Variants in LHFPL6 observed in about 807,000 individuals in gnomAD.
LHFPL6 encodes LHFPL tetraspan subfamily member 6 protein.
A neutral mutation model predicts 20.6 loss-of-function variants in LHFPL6; 9 were observed. The ratio of observed to expected loss-of-function variants is 0.44; its 90% confidence interval spans 0.26 to 0.76. The LOEUF is 0.76. LHFPL6 is among the 30% of genes least tolerant of loss of function. The pLI, the probability that LHFPL6 is intolerant of heterozygous loss-of-function variation, is 0.20. For synonymous variants in LHFPL6, 105 were observed against 98.7 expected (o/e 1.06, Z -0.38); for missense variants, 218 against 253.5 (o/e 0.86, Z 0.95).
chr13:39,425,014 A>T (rs1245092764), intron 2 of LHFPL6, among the ~76,000 whole-genome samples: 1 of 152,142 alleles, frequency 6.6e-6, no homozygotes, highest in African/African-American at 2.4e-5. Context: ...GAAGATAATG[A>T]ACATATCTAT....
intron 2 of LHFPL6, among the ~76,000 whole-genome samples, chr13:39,561,459 AT>A (rs1192254573): frequency 6.6e-6 from 1 of 152,080 alleles, no homozygotes; most frequent in Non-Finnish European, 1.5e-5. Context: ...GAGAAGTGGC[AT>A]TTGGTTTGTT....
chr13:39,464,299 C>T (rs1033575486), intron 2 of LHFPL6, among the ~76,000 whole-genome samples: 2 of 152,042 alleles, frequency 1.3e-5, no homozygotes, highest in Admixed American at 6.6e-5. Context: ...AATTTTGATA[C>T]AAACCAATAA....
intron 2 of LHFPL6, among the ~76,000 whole-genome samples, chr13:39,494,322 C>T (rs1239990940): frequency 1.3e-5 from 2 of 152,194 alleles, no homozygotes; most frequent in Non-Finnish European, 2.9e-5. Flanking sequence ...CATTTTTTAC[C>T]ATTCATTTCC....
intron 2 of LHFPL6, among the ~76,000 whole-genome samples, chr13:39,503,108 G>T (rs1007518271): frequency 6.6e-6 from 1 of 152,112 alleles, no homozygotes; most frequent in African/African-American, 2.4e-5. Context: ...CCTATGCCCA[G>T]AACTCTGGGT....
At chr13:39,546,697 C>T (rs1870992798) in intron 2 of LHFPL6, among the ~76,000 whole-genome samples, 1 of 152,108 alleles carries the variant, frequency 6.6e-6, no homozygotes, top group African/African-American at 2.4e-5. Flanking sequence ...CTATTCCTCA[C>T]TTATGGCAGC....
At chr13:39,345,512 C>CAAAAAAAAAAAA (rs71077225) in intron 3 of LHFPL6, among the ~76,000 whole-genome samples, 2,156 of 43,230 alleles carry the variant, frequency 0.05, 305 homozygotes, top group Non-Finnish European at 0.072. Flanking sequence ...GACTCCATCT[C>CAAAAAAAAAAAA]AAAAAAAAAA....
intron 2 of LHFPL6, among the ~76,000 whole-genome samples, chr13:39,438,642 G>A (rs981993798): frequency 3.9e-5 from 6 of 152,220 alleles, no homozygotes; most frequent in Admixed American, 6.5e-5. Flanking sequence ...TGTTGGGCTA[G>A]GCCCAGGGCC....
chr13:39,600,386 A>G (rs1161267374), intron 2 of LHFPL6, among the ~76,000 whole-genome samples: 2 of 152,270 alleles, frequency 1.3e-5, no homozygotes, highest in African/African-American at 4.8e-5. Flanking sequence ...TGCATCCACC[A>G]AAGTGTATTA....
chr13:39,526,106 C>T (rs1870278652), intron 2 of LHFPL6, among the ~76,000 whole-genome samples: 1 of 152,130 alleles, frequency 6.6e-6, no homozygotes, highest in Non-Finnish European at 1.5e-5. Flanking sequence ...ATTATCATAT[C>T]CCCAAATAGA....
At chr13:39,551,473 A>G (rs1871144205) in intron 2 of LHFPL6, among the ~76,000 whole-genome samples, 1 of 151,442 alleles carries the variant, frequency 6.6e-6, no homozygotes, top group African/African-American at 2.5e-5. Flanking sequence ...AATTTCCAAC[A>G]CATGAACTTT....
intron 2 of LHFPL6, among the ~76,000 whole-genome samples, chr13:39,469,455 T>C (rs1019989075): frequency 6.6e-6 from 1 of 152,212 alleles, no homozygotes; most frequent in Non-Finnish European, 1.5e-5. Flanking sequence ...TCACATCCAC[T>C]GTGGAATATA....
intron 2 of LHFPL6, among the ~76,000 whole-genome samples, chr13:39,523,336 G>C (rs989612391): frequency 2.0e-5 from 3 of 152,116 alleles, no homozygotes; most frequent in Non-Finnish European, 4.4e-5. Flanking sequence ...TTGGGAGGCC[G>C]AGGCGGGCGG....
chr13:39,342,998 G>A lies in LHFPL6; in HGVS notation c.*938C>T, dbSNP rs945823584. On this transcript the variant is annotated 3_prime_UTR_variant, in exon 4 of 4. Coordinates refer to ENST00000379589, the MANE Select transcript of LHFPL6 (RefSeq NM_005780.3). ...ATAGAAATAAATGTGGTACAGCACA[G>A]TACAATAATGGACAAAAGAAAACAC... The A allele has an allele frequency of 5.2e-6, 1 of 191,070 alleles. No homozygotes were observed. Among genetic ancestry groups the A allele is most frequent in the African/African-American group, 2.3e-5 (1 of 43,032 alleles). 11.8% of individuals were successfully genotyped at this position (191,070 alleles called of 1,614,324 possible).
intron 3 of LHFPL6, among the ~76,000 whole-genome samples, chr13:39,355,383 C>A (rs952499386): frequency 6.6e-6 from 1 of 152,026 alleles, no homozygotes; most frequent in Admixed American, 6.5e-5. Context: ...TACCAGATGT[C>A]CTTCCTCTAA....
chr13:39,358,752 CAAG>C, intron 3 of LHFPL6, among the ~76,000 whole-genome samples: 1 of 152,258 alleles, frequency 6.6e-6, no homozygotes. Context: ...AAACTTCTCA[CAAG>C]AAGATATACA....
At chr13:39,481,780 T>G (rs1566121505) in intron 2 of LHFPL6, among the ~76,000 whole-genome samples, 1 of 152,156 alleles carries the variant, frequency 6.6e-6, no homozygotes, top group Non-Finnish European at 1.5e-5. Flanking sequence ...TTATTTTACT[T>G]AATAAAAATT....
At chr13:39,493,816 T>C (rs766708403) in intron 2 of LHFPL6, among the ~76,000 whole-genome samples, 4 of 152,190 alleles carry the variant, frequency 2.6e-5, no homozygotes, top group Non-Finnish European at 5.9e-5. Flanking sequence ...TCAGGGCTCA[T>C]GGTGATATCT....
chr13:39,598,142 T>C (rs927458190), intron 2 of LHFPL6, among the ~76,000 whole-genome samples: 17 of 152,396 alleles, frequency 1.1e-4, no homozygotes, highest in African/African-American at 3.8e-4. Flanking sequence ...AACTCACTGG[T>C]TTGGCATTCT....
At chr13:39,411,988 A>C (rs1871249292) in intron 2 of LHFPL6, among the ~76,000 whole-genome samples, 1 of 152,236 alleles carries the variant, frequency 6.6e-6, no homozygotes, top group Admixed American at 6.5e-5. Context: ...TCTGTGGGAC[A>C]TAAGTATTAG....
Sources: allele counts gnomAD v4.1 joint callset (sites outside exome capture counted in the v4.1 genomes callset), GRCh38; gene constraint gnomAD v4.1.1; transcripts MANE v1.5; gene names NCBI Gene and HGNC (gene_info 2026-07-23, HGNC 2026-07-21).